The following DNAH14 variants were observed in gnomAD, a reference collection of about 807,000 sequenced individuals.
The protein encoded by DNAH14 is axonemal beta dynein heavy chain 14.
A neutral mutation model predicts 520.9 loss-of-function variants in DNAH14; 478 were observed. The ratio of observed to expected loss-of-function variants is 0.92; its 90% CI spans 0.85 to 0.99. The LOEUF is 0.99. Ranked by LOEUF, DNAH14 falls within the 50% of genes least tolerant of loss-of-function variation. The probability of loss-of-function intolerance (pLI) is 0.00; values close to 1 mark genes in which losing one functional copy is unlikely to be tolerated. For missense variants in DNAH14, 4,831 were observed against 5,234.5 expected, an observed-to-expected ratio of 0.92 and a Z score of 2.38; for synonymous variants, 1,581 against 1,757.2, an observed-to-expected ratio of 0.90 and a Z score of 2.51.
intron 27 of DNAH14, among the ~76,000 whole-genome samples, chr1:225,136,663 G>A (rs573003373): frequency 3.0e-4 from 45 of 152,054 alleles, no homozygotes; most frequent in Non-Finnish European, 4.9e-4. Context: ...TCTTACTGGG[G>A]TTCTCTGCAG....
At chr1:224,963,006 A>G (rs1384985885) in intron 4 of DNAH14, among the ~76,000 whole-genome samples, 1 of 152,054 alleles carries the variant, frequency 6.6e-6, no homozygotes, top group Non-Finnish European at 1.5e-5. Context: ...TGAGTGAGAT[A>G]TGTGTTTTCA....
At chr1:225,125,312 A>G (rs1026720132) in intron 27 of DNAH14, among the ~76,000 whole-genome samples, 4 of 152,194 alleles carry the variant, frequency 2.6e-5, no homozygotes, top group African/African-American at 9.6e-5. Context: ...CTCTCCAACT[A>G]CAAAAGTCTT....
intron 4 of DNAH14, among the ~76,000 whole-genome samples, chr1:224,962,520 G>A (rs1328495613): frequency 1.3e-5 from 2 of 152,126 alleles, no homozygotes; most frequent in Non-Finnish European, 2.9e-5. Flanking sequence ...GGGGACCTCA[G>A]TCATACAGCC....
At chr1:224,954,910 G>T in intron 2 of DNAH14, 49 bp from the exon 3 acceptor site, 1 of 1,439,564 alleles carries the variant, frequency 6.9e-7, no homozygotes, top group South Asian at 1.3e-5. Flanking sequence ...GTATTTTATT[G>T]GTGTGATTTT....
Position 225,271,943 on chromosome 1 carries a change from C to T in DNAH14, c.7709C>T (p.Thr2570Ile). Residue 2570 changes from threonine (T) to isoleucine (I), a missense_variant, in exon 51 of 86, where the codon ACA (threonine) becomes ATA (isoleucine). Coordinates refer to ENST00000682510, the MANE Select transcript of DNAH14 (RefSeq NM_001367479.1). The part of the protein sequence containing the change: ...LGIYFSINNF[T>I]PEVQKSKDQI... ...ATTTATTTCTCCATCAATAACTTCACACCTGAAGTTCAGAAAAGTAAGGAT... is the reference window on the plus strand; with the variant it reads ...ATTTATTTCTCCATCAATAACTTCATACCTGAAGTTCAGAAAAGTAAGGAT... The T allele has an allele frequency of 6.5e-7, 1 of 1,549,750 alleles. No individual in the cohort carries two copies. The highest frequency in any genetic ancestry group is 8.7e-7 in the Non-Finnish European group (1 of 1,146,392).
At chr1:225,019,697 A>G (rs1173108438) in intron 10 of DNAH14, among the ~76,000 whole-genome samples, 2 of 152,218 alleles carry the variant, frequency 1.3e-5, no homozygotes, top group African/African-American at 4.8e-5. Flanking sequence ...AATCACAAAA[A>G]TCAAAACCAT....
intron 36 of DNAH14, among the ~76,000 whole-genome samples, chr1:225,182,261 A>G (rs1287354277): frequency 1.3e-5 from 2 of 152,178 alleles, no homozygotes; most frequent in Non-Finnish European, 2.9e-5. Context: ...CACCTCATAT[A>G]TGATAGAAGT....
In DNAH14 at chr1:225,144,911, T is replaced by TG. The variant is rs758807833; in HGVS notation, c.4740+283_4740+284insG. ...AATATCATTGTGTGTGTGTGTGTGT[T>TG]TGTGTGTGTATGTGTGTGTGAAAGA... is the stretch of plus-strand genomic sequence containing the variant. On this transcript the variant is annotated intron_variant, in intron 29 of 85. Transcript: ENST00000682510. Among the ~76,000 whole-genome samples the TG allele has an allele frequency of 5.6e-3, 805 of 144,410 alleles. 21 individuals carry two copies. The highest frequency in any genetic ancestry group is 3.9e-3 in the Non-Finnish European group (258 of 65,656). The allele number at this position is 144,410 out of a possible 152,430, so 94.7% of individuals were successfully genotyped here.
chr1:225,053,963 A>G (rs895584300), intron 17 of DNAH14, among the ~76,000 whole-genome samples: 2 of 152,180 alleles, frequency 1.3e-5, no homozygotes, highest in African/African-American at 4.8e-5. Context: ...CTACAATAGA[A>G]GCCTAAAGAA....
Position 224,999,445 on chromosome 1 carries a change from G to A in DNAH14, c.831-3338G>A, listed in dbSNP as rs561885994. On this transcript the variant is annotated intron_variant, in intron 8 of 85. Transcript: ENST00000682510. ...GTCTCGAACTCCCAACCTCAGGTGA[G>A]CTTCCTGCCTCGGCCTCCCAGAGTG... Among the ~76,000 whole-genome samples the A allele has an allele frequency of 2.6e-5, 4 of 152,092 alleles. No individual in the cohort carries two copies. In the South Asian group the frequency reaches 8.3e-4, roughly 32 times the overall value.
chr1:225,246,329 C>T (rs1362843435), intron 43 of DNAH14, among the ~76,000 whole-genome samples: 1 of 152,138 alleles, frequency 6.6e-6, no homozygotes, highest in Admixed American at 6.5e-5. Context: ...GCAAAGACTT[C>T]ATGACTGTGA....
intron 12 of DNAH14, among the ~76,000 whole-genome samples, chr1:225,040,923 A>C (rs77673256): frequency 0.054 from 8,201 of 152,300 alleles, 321 homozygotes; most frequent in Non-Finnish European, 0.081. Context: ...GCATTTTGCC[A>C]AAGTTTTAAT....
intron 53 of DNAH14, among the ~76,000 whole-genome samples, chr1:225,277,154 A>G (rs886299389): frequency 6.7e-6 from 1 of 149,102 alleles, no homozygotes; most frequent in Non-Finnish European, 1.5e-5. Flanking sequence ...CCTAAATACT[A>G]TTGTTTGCCT....
chr1:225,156,126 T>C (rs1331248885), intron 34 of DNAH14, among the ~76,000 whole-genome samples: 1 of 152,176 alleles, frequency 6.6e-6, no homozygotes, highest in Non-Finnish European at 1.5e-5. Context: ...ATTTGTCTCA[T>C]TTCCCTGGCA....
Position 225,042,937 on chromosome 1 carries a change from G to C in DNAH14, c.1591G>C (p.Glu531Gln). Reference sequence around the variant, plus strand: ...AATTCCTGCTGAGAGTGATTCTTCAGAAAATTCTAAAGAGAACTTTCATGA... The same window carrying C: ...AATTCCTGCTGAGAGTGATTCTTCACAAAATTCTAAAGAGAACTTTCATGA... ...LRIPAESDSSENSKENFHESD... is the reference protein window; with the variant it reads ...LRIPAESDSSQNSKENFHESD... The change falls in exon 13 of 86, where the codon GAA (glutamate) becomes CAA (glutamine). Residue 531 changes from glutamate (E) to glutamine (Q), a missense_variant. Coordinates refer to ENST00000682510, the MANE Select transcript of DNAH14 (RefSeq NM_001367479.1). 6.4e-7 allele frequency: 1 copy of C among 1,551,802 alleles called. No individual in the cohort carries two copies.
At chr1:224,976,521 A>G (rs1160163112) in intron 8 of DNAH14, among the ~76,000 whole-genome samples, 2 of 152,224 alleles carry the variant, frequency 1.3e-5, no homozygotes, top group Non-Finnish European at 2.9e-5. Flanking sequence ...TCTGCACAGC[A>G]AAAGAAACTA....
intron 8 of DNAH14, among the ~76,000 whole-genome samples, chr1:224,994,260 G>T (rs2125779927): frequency 6.6e-6 from 1 of 152,054 alleles, no homozygotes; most frequent in East Asian, 1.9e-4. Context: ...TCTGTCCATT[G>T]TTGAAAATTG....
chr1:225,062,958 A>G lies in DNAH14; in HGVS notation c.2424+11163A>G, dbSNP rs530787394. ...GCTTGGTTGTCAACCAGAAATTACT[A>G]AATATGCCCAGAAGCAGTAAAATGT... On this transcript the variant is annotated intron_variant, in intron 17 of 85. Coordinates refer to ENST00000682510, the MANE Select transcript of DNAH14 (RefSeq NM_001367479.1). Among the ~76,000 whole-genome samples, 25 of 152,314 alleles carry G rather than the reference A, an allele frequency of 1.6e-4. No homozygotes were observed. The East Asian group carries it at 3.3e-3, about 20-fold the overall frequency.
At chr1:225,353,670 A>G (rs6676935) in intron 72 of DNAH14, 133 bp from the exon 73 acceptor site, 235,633 of 608,254 alleles carry the variant, frequency 0.39, 48,236 homozygotes, top group East Asian at 0.64. Context: ...AATAAAGCTC[A>G]CTTTAAAAGT....
Sources: allele counts gnomAD v4.1 joint callset (sites outside exome capture counted in the v4.1 genomes callset), GRCh38; gene constraint gnomAD v4.1.1; transcripts MANE v1.5; gene names NCBI Gene and HGNC (gene_info 2026-07-23, HGNC 2026-07-21).